TNRC6A: variants seen among roughly 807,000 people sequenced by gnomAD.
TNRC6A encodes the protein trinucleotide repeat containing adaptor 6A, also known as trinucleotide repeat-containing gene 6A protein.
TNRC6A carries 44 observed loss-of-function variants against 221.2 expected under a neutral mutation model. The ratio of observed to expected loss-of-function variants is 0.20; its 90% CI spans 0.16 to 0.26. TNRC6A has a LOEUF of 0.26. Ranked by LOEUF, TNRC6A falls within the 10% of genes least tolerant of loss-of-function variation. TNRC6A has a pLI of 1.00. For synonymous variants in TNRC6A, 847 were observed against 838.5 expected (o/e 1.01, Z -0.18); for missense variants, 2,199 against 2,404.4 (o/e 0.91, Z 1.79).
chr16:24,730,010 C>T (rs2056585466), intron 1 of TNRC6A, among the ~76,000 whole-genome samples, 164 bp downstream of exon 1: 1 of 147,838 alleles, frequency 6.8e-6, no homozygotes, highest in African/African-American at 2.4e-5. Flanking sequence ...GCCGAGCGGG[C>T]GGCCCGGGGG....
exon 1 of TNRC6A, chr16:24,610,253 G>A: frequency 6.6e-6 from 1 of 152,472 alleles, no homozygotes; most frequent in Non-Finnish European, 1.5e-5. Context: ...GACTCCCAGG[G>A]CTACGTGGGT....
intron 3 of TNRC6A, 99 bp from the exon 4 acceptor site, chr16:24,758,240 G>A: frequency 8.5e-7 from 1 of 1,180,528 alleles, no homozygotes; most frequent in South Asian, 1.3e-5. Context: ...TAATAAAGGT[G>A]TATATGTCTT....
intron 2 of TNRC6A, among the ~76,000 whole-genome samples, chr16:24,744,468 A>G (rs554455433): frequency 6.6e-6 from 1 of 152,166 alleles, no homozygotes; most frequent in Non-Finnish European, 1.5e-5. Flanking sequence ...ATTTTACTGT[A>G]AGATTTGGTA....
intron 4 of TNRC6A, among the ~76,000 whole-genome samples, chr16:24,775,028 A>T (rs1201549002): frequency 6.6e-6 from 1 of 152,198 alleles, no homozygotes; most frequent in Non-Finnish European, 1.5e-5. Context: ...GGTGGGGCAC[A>T]CATGGATGTG....
At chr16:24,762,783 G>A (rs549529502) in intron 4 of TNRC6A, among the ~76,000 whole-genome samples, 36 of 152,272 alleles carry the variant, frequency 2.4e-4, no homozygotes, top group African/African-American at 7.9e-4. Flanking sequence ...ATTTGACTAC[G>A]AACTTGACTG....
chr16:24,766,057 A>G (rs552630963), intron 4 of TNRC6A, among the ~76,000 whole-genome samples: 6 of 152,340 alleles, frequency 3.9e-5, no homozygotes, highest in African/African-American at 1.4e-4. Flanking sequence ...GATATGAAAA[A>G]AACATTAATG....
chr16:24,716,728 G>C (rs898674108), intron 2 of TNRC6A, among the ~76,000 whole-genome samples: 1 of 152,022 alleles, frequency 6.6e-6, no homozygotes, highest in Non-Finnish European at 1.5e-5. Flanking sequence ...GGGAGGCTGA[G>C]GCGGGCAGAT....
At chr16:24,645,834 C>CAAAAAAAAAA (rs36106864) in intron 2 of TNRC6A, among the ~76,000 whole-genome samples, 3,681 of 26,622 alleles carry the variant, frequency 0.14, 1,191 homozygotes, top group Non-Finnish European at 0.19. Context: ...CCTGTATCTA[C>CAAAAAAAAAA]AAAAAAAAAA....
chr16:24,749,907 A>T (rs541278605), intron 2 of TNRC6A, among the ~76,000 whole-genome samples: 1 of 152,212 alleles, frequency 6.6e-6, no homozygotes, highest in African/African-American at 2.4e-5. Flanking sequence ...TGGGAGGTCA[A>T]GGTGGGCAGA....
At chr16:24,628,245 C>T (rs1901137918) in intron 1 of TNRC6A, among the ~76,000 whole-genome samples, 1 of 151,354 alleles carries the variant, frequency 6.6e-6, no homozygotes, top group Non-Finnish European at 1.5e-5. Context: ...ATGGTGAAAC[C>T]CCGTCTCTAC....
intron 2 of TNRC6A, among the ~76,000 whole-genome samples, chr16:24,721,361 C>T (rs1011445270): frequency 2.4e-4 from 37 of 152,030 alleles, no homozygotes; most frequent in African/African-American, 8.7e-4. Context: ...TGGAAACAAC[C>T]CAAATGTCAA....
chr16:24,752,471 G>GGGAA lies in TNRC6A; in HGVS notation c.141+1661_141+1664dup, dbSNP rs557878729. Among the ~76,000 whole-genome samples, 20 of 152,322 alleles carry GGGAA rather than the reference G, an allele frequency of 1.3e-4. No individual in the cohort carries two copies. The South Asian group carries it at 4.1e-3, about 32-fold the overall frequency. Reference sequence around the variant, plus strand: ...CTTTTGCTTGCTCTTAGGGGTGCCTGGGAAGGGATGCATAGGTATATGCCA... The same window carrying GGGAA: ...CTTTTGCTTGCTCTTAGGGGTGCCTGGGAAGGAAGGGATGCATAGGTATATGCCA... On this transcript the variant is annotated intron_variant, in intron 3 of 24. Coordinates refer to ENST00000395799, the MANE Select transcript of TNRC6A (RefSeq NM_014494.4).
chr16:24,700,042 G>C (rs917481235), intron 2 of TNRC6A, among the ~76,000 whole-genome samples: 3 of 152,164 alleles, frequency 2.0e-5, no homozygotes, highest in Admixed American at 6.5e-5. Flanking sequence ...TTTAGGTTCT[G>C]GGTGCCCAAA....
At chr16:24,784,639 T>C (rs1424737861) in intron 5 of TNRC6A, among the ~76,000 whole-genome samples, 1 of 152,182 alleles carries the variant, frequency 6.6e-6, no homozygotes, top group Non-Finnish European at 1.5e-5. Context: ...TTTCCTAAAC[T>C]ACAACCTTTT....
At chr16:24,741,062 G>A (rs2056880891) in intron 2 of TNRC6A, among the ~76,000 whole-genome samples, 1 of 152,178 alleles carries the variant, frequency 6.6e-6, no homozygotes, top group South Asian at 2.1e-4. Flanking sequence ...GATTCATTAG[G>A]ACTTTCTGTG....
Position 24,754,222 on chromosome 16 carries a change from C to T in TNRC6A, c.141+3409C>T, listed in dbSNP as rs74248728. 4.6e-5 allele frequency among the ~76,000 whole-genome samples: 7 copies of T among 152,148 alleles called. No homozygotes were observed. The East Asian group carries it at 1.3e-3, about 29-fold the overall frequency. On this transcript the variant is annotated intron_variant, in intron 3 of 24. Transcript: ENST00000395799. Reference sequence around the variant, plus strand: ...AATAAAAAGCCAGATAACACAACTTCCTATAAAAACAATTAGACACCGACG... The same window carrying T: ...AATAAAAAGCCAGATAACACAACTTTCTATAAAAACAATTAGACACCGACG...
intron 1 of TNRC6A, among the ~76,000 whole-genome samples, chr16:24,618,721 G>T (rs1900510565): frequency 7.0e-6 from 1 of 142,064 alleles, no homozygotes; most frequent in Non-Finnish European, 1.5e-5. Context: ...CGCAACCATG[G>T]CTCACTGCAG....
intron 2 of TNRC6A, among the ~76,000 whole-genome samples, chr16:24,716,990 TTGAA>T (rs71980120): frequency 0.23 from 34,487 of 147,730 alleles, 4,580 homozygotes; most frequent in Non-Finnish European, 0.31. Flanking sequence ...AAAAGAAAAC[TTGAA>T]TGAATGAATA....
upstream of TNRC6A, among the ~76,000 whole-genome samples, chr16:24,729,140 C>G (rs1251001698): frequency 1.3e-5 from 2 of 151,954 alleles, no homozygotes; most frequent in African/African-American, 4.8e-5. Flanking sequence ...GCTTTTAAGC[C>G]TCACAACCCG....
Sources: gnomAD v4.1 joint callset for allele counts (sites outside exome capture counted in the v4.1 genomes callset) on GRCh38, gnomAD v4.1.1 for gene constraint, MANE v1.5 for transcripts, NCBI Gene and HGNC (gene_info 2026-07-23, HGNC 2026-07-21) for gene names.